SLC9B2: variants seen among roughly 807,000 people sequenced by gnomAD.
SLC9B2 encodes the protein sodium/hydrogen exchanger 9B2.
In SLC9B2, 39 loss-of-function variants were observed where a neutral mutation model predicts 52.2. That is an observed-to-expected ratio of 0.75 (90% CI 0.58 to 0.98). SLC9B2 has a LOEUF of 0.98. SLC9B2 is among the 50% of genes least tolerant of loss of function. The probability of loss-of-function intolerance (pLI) is 0.00; values close to 1 mark genes in which losing one functional copy is unlikely to be tolerated. For missense variants in SLC9B2, 626 were observed against 637.5 expected, an observed-to-expected ratio of 0.98 and a Z score of 0.19; for synonymous variants, 214 against 227.0, an observed-to-expected ratio of 0.94 and a Z score of 0.51.
chr4:103,066,864 C>A (rs561844862), intron 2 of SLC9B2, among the ~76,000 whole-genome samples: 10 of 151,766 alleles, frequency 6.6e-5, no homozygotes, highest in Non-Finnish European at 1.5e-4. Context: ...GTTTCATGTA[C>A]AAATTATTTA....
chr4:103,072,028 T>C (rs2110673135), intron 1 of SLC9B2, among the ~76,000 whole-genome samples: 1 of 150,914 alleles, frequency 6.6e-6, no homozygotes, highest in South Asian at 2.1e-4. Flanking sequence ...TAGCAGTGGT[T>C]TTCAAAATTT....
chr4:103,073,885 G>A (rs1746888266), intron 1 of SLC9B2, among the ~76,000 whole-genome samples: 1 of 152,186 alleles, frequency 6.6e-6, no homozygotes, highest in African/African-American at 2.4e-5. Flanking sequence ...AATGCCAAGT[G>A]TTCAGGTATG....
At chr4:103,054,277 A>G (rs1744937108) in intron 4 of SLC9B2, among the ~76,000 whole-genome samples, 1 of 152,050 alleles carries the variant, frequency 6.6e-6, no homozygotes. Flanking sequence ...CCCTGTCTCA[A>G]AAACAAAACA....
At chr4:103,026,817 C>A (rs1029273072) in intron 11 of SLC9B2, among the ~76,000 whole-genome samples, 1 of 151,960 alleles carries the variant, frequency 6.6e-6, no homozygotes, top group Non-Finnish European at 1.5e-5. Flanking sequence ...TGCACATGTA[C>A]CCTAAAACTT....
At chr4:103,043,144 AGAT>A in intron 9 of SLC9B2, 149 bp downstream of exon 9, 1 of 777,812 alleles carries the variant, frequency 1.3e-6, no homozygotes, top group Non-Finnish European at 1.9e-6. Context: ...GGGAAAAAAA[AGAT>A]GAACACTGGG....
chr4:103,071,343 A>G (rs1746608912), intron 1 of SLC9B2, among the ~76,000 whole-genome samples: 1 of 149,552 alleles, frequency 6.7e-6, no homozygotes, highest in African/African-American at 2.5e-5. Flanking sequence ...AGCTAGGACT[A>G]GAGGCATGCA....
At chr4:103,043,858 A>C (rs1161926815) in intron 8 of SLC9B2, among the ~76,000 whole-genome samples, 2 of 152,186 alleles carry the variant, frequency 1.3e-5, no homozygotes, top group African/African-American at 4.8e-5. Context: ...GGTTTGTGTG[A>C]AGGTTAAATA....
Position 103,067,512 on chromosome 4 carries a change from T to C in SLC9B2, c.39A>G (p.Ser13=). ...DEDKRITYED[S]EPSTGMNYTP... is the part of the protein sequence containing the mutation. ...TGTAATTCATTCCTGTGGATGGTTC[T>C]GAATCTTCATATGTAATTCTTTTAT... Residue 13 remains serine, a synonymous_variant, in exon 2 of 12, where the codon TCA becomes TCG. Coordinates refer to ENST00000394785, the MANE Select transcript of SLC9B2 (RefSeq NM_178833.7). 6.2e-7 allele frequency: 1 copy of C among 1,613,368 alleles called. No homozygotes were observed. Among genetic ancestry groups the C allele is most frequent in the Non-Finnish European group, 8.5e-7 (1 of 1,179,432 alleles).
intron 9 of SLC9B2, among the ~76,000 whole-genome samples, chr4:103,040,176 T>C (rs1357448279): frequency 6.6e-6 from 1 of 152,132 alleles, no homozygotes; most frequent in Non-Finnish European, 1.5e-5. Context: ...TACATGAAAA[T>C]ATAAAATATC....
intron 6 of SLC9B2, 33 bp from the exon 7 acceptor site, chr4:103,047,259 A>G (rs752961605): frequency 1.3e-6 from 2 of 1,556,764 alleles, no homozygotes; most frequent in Non-Finnish European, 1.7e-6. Context: ...ATTTATGATA[A>G]CATCTTACTT....
At chr4:103,051,591 T>C (rs1478403027) in intron 4 of SLC9B2, among the ~76,000 whole-genome samples, 8 of 152,208 alleles carry the variant, frequency 5.3e-5, no homozygotes, top group Non-Finnish European at 1.2e-4. Flanking sequence ...GAAATAATGA[T>C]GAGTTATATA....
intron 1 of SLC9B2, among the ~76,000 whole-genome samples, chr4:103,074,224 C>A (rs1462790361): frequency 6.6e-6 from 1 of 152,186 alleles, no homozygotes; most frequent in African/African-American, 2.4e-5. Context: ...TAGCTGAACA[C>A]AGAAAGCAAC....
intron 3 of SLC9B2, 150 bp downstream of exon 3, chr4:103,066,177 G>A: frequency 1.2e-6 from 1 of 867,962 alleles, no homozygotes; most frequent in Non-Finnish European, 1.7e-6. Context: ...AATGTGTGGA[G>A]CAGAGCCACC....
intron 9 of SLC9B2, chr4:103,041,926 G>A (rs575556509): frequency 2.8e-3 from 427 of 152,150 alleles, no homozygotes; most frequent in African/African-American, 0.01. Flanking sequence ...GTAATTTTGT[G>A]AAAATAAATG....
intron 9 of SLC9B2, among the ~76,000 whole-genome samples, chr4:103,042,883 G>T (rs923842547): frequency 2.0e-5 from 3 of 149,782 alleles, no homozygotes; most frequent in Admixed American, 2.0e-4. Flanking sequence ...CGTTTAATTG[G>T]CACTATTTTT....
chr4:103,034,242 T>C (rs1399325337), intron 9 of SLC9B2, among the ~76,000 whole-genome samples: 4 of 152,190 alleles, frequency 2.6e-5, no homozygotes, highest in African/African-American at 4.8e-5. Flanking sequence ...CTGGGATAAC[T>C]GGCTAACCAT....
intron 5 of SLC9B2, among the ~76,000 whole-genome samples, chr4:103,049,328 T>C (rs1205102317): frequency 1.3e-5 from 2 of 152,218 alleles, no homozygotes; most frequent in Non-Finnish European, 2.9e-5. Flanking sequence ...GGGGCCAGGT[T>C]TGAACCCAGG....
At chr4:103,052,629 C>G (rs1744786202) in intron 4 of SLC9B2, among the ~76,000 whole-genome samples, 1 of 151,948 alleles carries the variant, frequency 6.6e-6, no homozygotes, top group Admixed American at 6.6e-5. Context: ...CAATGGCATT[C>G]AATGACCTGA....
Position 103,032,896 on chromosome 4 carries a change from A to C in SLC9B2, c.1147-1088T>G, listed in dbSNP as rs1175780568. On this transcript the variant is annotated intron_variant, in intron 9 of 11. Coordinates refer to ENST00000394785, the MANE Select transcript of SLC9B2 (RefSeq NM_178833.7). ...TCTGGATCTCAGCCCTGCAGGCAGG[A>C]ATGTGGAGGGTACAGGCTTAAGGGG... 2.0e-5 allele frequency among the ~76,000 whole-genome samples: 3 copies of C among 152,274 alleles called. No homozygotes were observed. In the East Asian group the frequency reaches 5.8e-4, roughly 29 times the overall value.
Sources: allele counts gnomAD v4.1 joint callset (sites outside exome capture counted in the v4.1 genomes callset), GRCh38; gene constraint gnomAD v4.1.1; transcripts MANE v1.5; gene names NCBI Gene and HGNC (gene_info 2026-07-23, HGNC 2026-07-21).